The following PALLD variants were observed in gnomAD, a reference collection of about 807,000 sequenced individuals.
PALLD encodes the protein palladin.
A neutral mutation model predicts 123.5 loss-of-function variants in PALLD; 61 were observed. The observed-to-expected ratio is 0.49, with a 90% CI of 0.40 to 0.61. The LOEUF is 0.61. PALLD is among the 20% of genes least tolerant of loss of function. The probability of loss-of-function intolerance (pLI) is 0.00; values close to 1 mark genes in which losing one functional copy is unlikely to be tolerated. For missense variants in PALLD, 1,273 were observed against 1,377.0 expected (o/e 0.92, Z 1.20); for synonymous variants, 465 against 496.4 (o/e 0.94, Z 0.84).
At chr4:168,590,926 C>A (rs941094176) in intron 2 of PALLD, among the ~76,000 whole-genome samples, 1 of 116,136 alleles carries the variant, frequency 8.6e-6, no homozygotes, top group Non-Finnish European at 1.6e-5. Flanking sequence ...GTTGCCCAGG[C>A]TAGAGTGCAA....
intron 10 of PALLD, among the ~76,000 whole-genome samples, chr4:168,809,737 G>A (rs1402154137): frequency 6.6e-6 from 1 of 152,064 alleles, no homozygotes; most frequent in East Asian, 1.9e-4. Flanking sequence ...GGTAGCAGGT[G>A]CCTGTAATCC....
chr4:168,888,036 A>G (rs771488685), intron 10 of PALLD, among the ~76,000 whole-genome samples: 25 of 152,184 alleles, frequency 1.6e-4, no homozygotes, highest in Non-Finnish European at 2.2e-4. Context: ...CCAAGGAGTC[A>G]TTAAGCTGAA....
In PALLD at chr4:168,691,282, A is replaced by G; in HGVS notation, c.1491A>G (p.Thr497=). 1.9e-6 allele frequency: 3 copies of G among 1,608,256 alleles called. No homozygotes were observed. Among genetic ancestry groups the G allele is most frequent in the Non-Finnish European group, 2.5e-6 (3 of 1,177,006 alleles). The change falls in exon 8 of 22, where the codon ACA becomes ACG. Residue 497 remains threonine (T), a synonymous_variant. Coordinates refer to ENST00000505667, the MANE Select transcript of PALLD (RefSeq NM_001166108.2). ...TGTGGCAAACAGAACCTAGATCTAC[A>G]GCTGAACCTGGTAAGAATATTTTTA... ...FRILQKKPRS[T]AEPEEICTLV...
At position 168,566,745 on chromosome 4, in the gene PALLD, T is replaced by C. The variant is rs561308958; in HGVS notation, c.908+54333T>C. On this transcript the variant is annotated intron_variant, in intron 2 of 21. Coordinates refer to ENST00000505667, the MANE Select transcript of PALLD (RefSeq NM_001166108.2). ...CGTGAGGATTACCATCTCATTATTT[T>C]CCTATACTCTTAGTTTTAACCAGCT... Among the ~76,000 whole-genome samples the C allele has an allele frequency of 2.6e-5, 4 of 152,334 alleles. No homozygotes were observed. The South Asian group carries it at 8.3e-4, about 32-fold the overall frequency.
chr4:168,771,008 A>G (rs1329609874), intron 10 of PALLD, among the ~76,000 whole-genome samples: 1 of 151,924 alleles, frequency 6.6e-6, no homozygotes, highest in Non-Finnish European at 1.5e-5. Context: ...TGCAGTGGCC[A>G]AGATTGCACC....
At chr4:168,741,949 A>AG (rs1788389843) in intron 10 of PALLD, among the ~76,000 whole-genome samples, 1 of 152,174 alleles carries the variant, frequency 6.6e-6, no homozygotes, top group African/African-American at 2.4e-5. Flanking sequence ...GTGCCCTGTG[A>AG]CCAGGACAAA....
chr4:168,802,851 C>T (rs931102769), intron 10 of PALLD, among the ~76,000 whole-genome samples: 2 of 152,102 alleles, frequency 1.3e-5, no homozygotes, highest in South Asian at 2.1e-4. Context: ...CCACCATACC[C>T]GGCTAATTTT....
intron 2 of PALLD, among the ~76,000 whole-genome samples, chr4:168,588,576 A>G (rs892586097): frequency 4.0e-5 from 6 of 151,728 alleles, no homozygotes; most frequent in African/African-American, 1.2e-4. Context: ...TAACTTTTGT[A>G]TTTTTATTTT....
chr4:168,766,084 A>G (rs1174366908), intron 10 of PALLD, among the ~76,000 whole-genome samples: 2 of 152,234 alleles, frequency 1.3e-5, no homozygotes, highest in African/African-American at 2.4e-5. Flanking sequence ...CCCAAGCAGG[A>G]AGATTTTCTT....
chr4:168,643,051 C>T (rs1401368078), intron 2 of PALLD, among the ~76,000 whole-genome samples: 1 of 152,168 alleles, frequency 6.6e-6, no homozygotes, highest in African/African-American at 2.4e-5. Flanking sequence ...TATAGGAAAG[C>T]TTACATTGTG....
intron 2 of PALLD, among the ~76,000 whole-genome samples, chr4:168,618,168 C>T (rs72982780): frequency 0.032 from 4,902 of 152,184 alleles, 255 homozygotes; most frequent in African/African-American, 0.11. Context: ...TCAACCAAGT[C>T]GCTTATACTC....
At chr4:168,669,776 ATACT>A (rs1252530613) in intron 3 of PALLD, among the ~76,000 whole-genome samples, 1 of 150,394 alleles carries the variant, frequency 6.6e-6, no homozygotes, top group Non-Finnish European at 1.5e-5. Flanking sequence ...GTAACAACTA[ATACT>A]TACATGACAC....
chr4:168,515,538 T>C (rs1251901472), intron 2 of PALLD, among the ~76,000 whole-genome samples: 1 of 152,134 alleles, frequency 6.6e-6, no homozygotes, highest in Non-Finnish European at 1.5e-5. Flanking sequence ...GAGACGCTCC[T>C]CAGTGTTGGG....
chr4:168,895,307 G>C (rs540714383), intron 12 of PALLD, among the ~76,000 whole-genome samples: 1 of 152,156 alleles, frequency 6.6e-6, no homozygotes, highest in Non-Finnish European at 1.5e-5. Flanking sequence ...GCTTGAACCC[G>C]GGAGGTGGAG....
At chr4:168,608,697 T>A (rs1773429920) in intron 2 of PALLD, among the ~76,000 whole-genome samples, 1 of 152,200 alleles carries the variant, frequency 6.6e-6, no homozygotes, top group Non-Finnish European at 1.5e-5. Context: ...CTGCTGCTAT[T>A]TTGGTTTTTC....
At chr4:168,723,682 A>G (rs983655739) in intron 10 of PALLD, among the ~76,000 whole-genome samples, 1 of 152,228 alleles carries the variant, frequency 6.6e-6, no homozygotes, top group Admixed American at 6.5e-5. Context: ...ACTCTGTACC[A>G]TCTGATGCTG....
chr4:168,925,383 C>G (rs1762379600), intron 21 of PALLD, 105 bp downstream of exon 21: 3 of 858,980 alleles, frequency 3.5e-6, no homozygotes, highest in Non-Finnish European at 6.1e-6. Flanking sequence ...TAGGAGTTAA[C>G]AGTAGGCAAA....
At chr4:168,521,822 G>A (rs1763596448) in intron 2 of PALLD, among the ~76,000 whole-genome samples, 1 of 152,162 alleles carries the variant, frequency 6.6e-6, no homozygotes, top group Non-Finnish European at 1.5e-5. Flanking sequence ...CATCACAAAG[G>A]CTGCCAGGAA....
At chr4:168,875,633 G>A (rs971655717) in intron 10 of PALLD, among the ~76,000 whole-genome samples, 2 of 152,056 alleles carry the variant, frequency 1.3e-5, no homozygotes, top group African/African-American at 4.8e-5. Context: ...CAAATCACTA[G>A]AATGCCCATT....
Sources: allele counts gnomAD v4.1 joint callset (sites outside exome capture counted in the v4.1 genomes callset), GRCh38; gene constraint gnomAD v4.1.1; transcripts MANE v1.5; gene names NCBI Gene and HGNC (gene_info 2026-07-23, HGNC 2026-07-21).